Variants in SDC1 observed in about 807,000 individuals in gnomAD.
The protein encoded by SDC1 is syndecan-1.
In SDC1, 14 loss-of-function variants were observed where a neutral mutation model predicts 29.7. The ratio of observed to expected loss-of-function variants is 0.47; its 90% CI spans 0.31 to 0.74. The LOEUF (loss-of-function observed/expected upper bound fraction) is 0.74, where lower values mean the gene tolerates loss of function less well. Among genes scored for constraint, SDC1 ranks in the 30% least tolerant of loss-of-function variants. The probability of loss-of-function intolerance (pLI) is 0.05; values close to 1 mark genes in which losing one functional copy is unlikely to be tolerated. For synonymous variants in SDC1, 204 were observed against 175.5 expected (o/e 1.16, Z -1.29); for missense variants, 406 against 400.3 (o/e 1.01, Z -0.12).
intron 1 of SDC1, among the ~76,000 whole-genome samples, chr2:20,215,214 C>G (rs985499087): frequency 2.6e-5 from 4 of 152,264 alleles, no homozygotes; most frequent in African/African-American, 9.6e-5. Flanking sequence ...GTTCTGGGGA[C>G]AGGCCACCGT....
At chr2:20,222,401 C>T (rs529770718) in intron 1 of SDC1, among the ~76,000 whole-genome samples, 1 of 152,304 alleles carries the variant, frequency 6.6e-6, no homozygotes, top group Non-Finnish European at 1.5e-5. Context: ...GTGCATGCCC[C>T]CACCTTTAAC....
In SDC1 at chr2:20,224,535, A is replaced by G. The variant is rs1321292252; in HGVS notation, c.66+267T>C. The stretch of plus-strand genomic sequence containing the variant: ...CCGCTGTGGGCTGGCGGGCTCCGAC[A>G]GATGTGGAGACGTTTTACATAATTG... On this transcript the variant is annotated intron_variant, in intron 1 of 4. Coordinates refer to ENST00000254351, the MANE Select transcript of SDC1 (RefSeq NM_002997.5). The surrounding 1 kb of genome is among the most constrained non-coding windows in gnomAD (Gnocchi z 4.9). Among the ~76,000 whole-genome samples the G allele has an allele frequency of 6.6e-6, 1 of 151,258 alleles. No homozygotes were observed. Among genetic ancestry groups the G allele is most frequent in the Non-Finnish European group, 1.5e-5 (1 of 67,742 alleles).
chr2:20,218,474 A>C (rs1456040262), intron 1 of SDC1, among the ~76,000 whole-genome samples: 1 of 152,190 alleles, frequency 6.6e-6, no homozygotes, highest in Admixed American at 6.5e-5. Context: ...TGCCCAGGCA[A>C]GGCCCAAATG....
In SDC1 at chr2:20,204,266, T is replaced by A. The variant is rs1313986493; in HGVS notation, c.174A>T (p.Ser58=). 1.0e-5 allele frequency: 16 copies of A among 1,576,050 alleles called. No homozygotes were observed. Among genetic ancestry groups the A allele is most frequent in the Non-Finnish European group, 1.4e-5 (16 of 1,167,446 alleles). ...GAGALQDITL[S]QQTPSTWKDT... ...CCTTCCAAGTGGAGGGGGTCTGCTG[T>A]GACAAGGTGATATCTTGCAAAGCAC... Residue 58 remains serine (S), a synonymous_variant, in exon 3 of 5, where the codon TCA becomes TCT. Transcript: ENST00000254351.
chr2:20,224,677 T>C lies in SDC1; in HGVS notation c.66+125A>G. Reference sequence around the variant, plus strand: ...CGGGGCTCACCGTCCCGGGACCCGCTGGGCTAGCGCGGGAAGAAGGGAAGT... The same window carrying C: ...CGGGGCTCACCGTCCCGGGACCCGCCGGGCTAGCGCGGGAAGAAGGGAAGT... On this transcript the variant is annotated intron_variant, in intron 1 of 4. Transcript: ENST00000254351. The surrounding 1 kb of genome is among the most constrained non-coding windows in gnomAD (Gnocchi z 4.9). The C allele has an allele frequency of 8.9e-7, 1 of 1,121,142 alleles. No homozygotes were observed. The highest frequency in any genetic ancestry group is 1.1e-6 in the Non-Finnish European group (1 of 900,070). The allele number at this position is 1,121,142 out of a possible 1,614,324, so 69.4% of individuals were successfully genotyped here.
Position 20,203,130 on chromosome 2 carries a change from C to A in SDC1, c.720G>T (p.Thr240=). 1 of 1,612,212 alleles carries A rather than the reference C, an allele frequency of 6.2e-7. No individual in the cohort carries two copies. The highest frequency in any genetic ancestry group is 8.5e-7 in the Non-Finnish European group (1 of 1,178,774). Residue 240 remains threonine, a synonymous_variant, in exon 4 of 5, where the codon ACG becomes ACT. Coordinates refer to ENST00000254351, the MANE Select transcript of SDC1 (RefSeq NM_002997.5). ...TGTCCAGGAGGCCCTGTGAGGCCCC[C>A]GTGGCCCCCTGATCCACTGGGGACT... ...RNQSPVDQGA[T]GASQGLLDRK...
chr2:20,202,826 C>G lies in SDC1; in HGVS notation c.873G>C (p.Pro291=). The change falls in exon 5 of 5, where the codon CCG becomes CCC. Residue 291 remains proline, a synonymous_variant. Transcript: ENST00000254351. ...KDEGSYSLEE[P]KQANGGAYQK... ...GGTAGGCCCCGCCGTTGGCTTGTTTCGGCTCCTCCAAGGAGTAGCTGCCTT... is the reference window on the plus strand; with the variant it reads ...GGTAGGCCCCGCCGTTGGCTTGTTTGGGCTCCTCCAAGGAGTAGCTGCCTT... The G allele has an allele frequency of 6.2e-7, 1 of 1,613,686 alleles. No individual in the cohort carries two copies. The highest frequency in any genetic ancestry group is 8.5e-7 in the Non-Finnish European group (1 of 1,179,804).
Position 20,203,846 on chromosome 2 carries a change from A to C in SDC1, c.594T>G (p.Ser198Arg), listed in dbSNP as rs1677137542. The C allele has an allele frequency of 6.2e-7, 1 of 1,602,812 alleles. No individual in the cohort carries two copies. Among genetic ancestry groups the C allele is most frequent in the Non-Finnish European group, 8.5e-7 (1 of 1,176,764 alleles). Residue 198 changes from serine (S) to arginine (R), a missense_variant, in exon 3 of 5, where the codon AGT becomes AGG. By Grantham distance (110) the Ser-to-Arg change is moderately radical. Coordinates refer to ENST00000254351, the MANE Select transcript of SDC1 (RefSeq NM_002997.5). ...CAGAGCCCTCTGCTGCTGGGAGCTG[A>C]CTGGAGGCTCCATCCTCAGCAGCCC... ...TERAAEDGAS[S>R]QLPAAEGSGE...
intron 1 of SDC1, among the ~76,000 whole-genome samples, chr2:20,220,860 CAT>C (rs1677795839): frequency 1.3e-5 from 2 of 152,194 alleles, no homozygotes; most frequent in Non-Finnish European, 2.9e-5. Context: ...CCAAATCAAA[CAT>C]GTGGTGAAGA....
At chr2:20,217,330 C>T (rs904222329) in intron 1 of SDC1, among the ~76,000 whole-genome samples, 1 of 152,170 alleles carries the variant, frequency 6.6e-6, no homozygotes, top group East Asian at 1.9e-4. Context: ...CACCACTGCA[C>T]AGGGCTACGC....
chr2:20,224,077 G>A lies in SDC1; in HGVS notation c.66+725C>T, dbSNP rs1677910994. Reference sequence around the variant, plus strand: ...CCTCGGCCGTGCCCGGCACGGGAACGCGCCCTCCGGGGCCAGCTCAACTTC... The same window carrying A: ...CCTCGGCCGTGCCCGGCACGGGAACACGCCCTCCGGGGCCAGCTCAACTTC... On this transcript the variant is annotated intron_variant, in intron 1 of 4. Coordinates refer to ENST00000254351, the MANE Select transcript of SDC1 (RefSeq NM_002997.5). The surrounding 1 kb of genome is among the most constrained non-coding windows in gnomAD (Gnocchi z 4.9). The A allele has an allele frequency of 3.1e-6, 1 of 323,650 alleles. No individual in the cohort carries two copies. Among genetic ancestry groups the A allele is most frequent in the Non-Finnish European group, 6.3e-6 (1 of 158,162 alleles). The allele number at this position is 323,650 out of a possible 1,614,324, so 20.0% of individuals were successfully genotyped here.
rs374483944 is a variant in SDC1, at chr2:20,210,815, G to A, written c.67-5391C>T. 2.6e-4 allele frequency among the ~76,000 whole-genome samples: 39 copies of A among 152,286 alleles called. No homozygotes were observed. In the South Asian group the frequency reaches 7.9e-3, roughly 31 times the overall value. On this transcript the variant is annotated intron_variant, in intron 1 of 4. Coordinates refer to ENST00000254351, the MANE Select transcript of SDC1 (RefSeq NM_002997.5). ...CCTGTTCCAGAAGCCCAGGCTGCGA[G>A]GTCATGAGGCAGGAGGGCCCATGGT... is the stretch of plus-strand genomic sequence containing the variant.
chr2:20,223,088 C>T, intron 1 of SDC1: 1 of 400,228 alleles, frequency 2.5e-6, no homozygotes, highest in Non-Finnish European at 4.6e-6. Flanking sequence ...AGACCCAGCT[C>T]GGAAATCATG....
intron 1 of SDC1, chr2:20,207,995 G>A: frequency 1.0e-6 from 1 of 985,446 alleles, no homozygotes; most frequent in Non-Finnish European, 1.2e-6. Flanking sequence ...CCTCCCCCAA[G>A]AGAAAGCTCA....
At chr2:20,225,300 T>C (rs1305690319), upstream of SDC1, 1 of 153,394 alleles carries the variant, frequency 6.5e-6, no homozygotes, top group Non-Finnish European at 1.5e-5. Flanking sequence ...GAACGTCGCT[T>C]TCGGGAGCTG....
At chr2:20,204,340 A>C in intron 2 of SDC1, 49 bp from the exon 3 acceptor site, 4 of 1,111,274 alleles carry the variant, frequency 3.6e-6, no homozygotes, top group Admixed American at 2.2e-5. Context: ...GGTGGGGAGG[A>C]CCAGAAGCAG....
At chr2:20,220,886 C>A (rs1677796518) in intron 1 of SDC1, among the ~76,000 whole-genome samples, 3 of 152,162 alleles carry the variant, frequency 2.0e-5, no homozygotes, top group African/African-American at 7.2e-5. Flanking sequence ...GGGGGCATGA[C>A]CGAAGCTGAG....
intron 1 of SDC1, among the ~76,000 whole-genome samples, chr2:20,212,712 C>G (rs1326081140): frequency 6.6e-6 from 1 of 152,034 alleles, no homozygotes; most frequent in African/African-American, 2.4e-5. Context: ...GTGATGGGCC[C>G]GGCCCAGGGC....
intron 1 of SDC1, among the ~76,000 whole-genome samples, chr2:20,210,988 A>G (rs1040082112): frequency 6.6e-6 from 1 of 152,138 alleles, no homozygotes; most frequent in African/African-American, 2.4e-5. Flanking sequence ...CAAGGAAAAC[A>G]GGCTGACTCT....
Sources: allele counts gnomAD v4.1 joint callset (sites outside exome capture counted in the v4.1 genomes callset), GRCh38; gene constraint gnomAD v4.1.1; non-coding constraint Gnocchi (gnomAD v3.1); transcripts MANE v1.5; gene names NCBI Gene and HGNC (gene_info 2026-07-23, HGNC 2026-07-21).